CDH12: variants seen among roughly 807,000 people sequenced by gnomAD.
CDH12 encodes the protein cadherin 12, also known as cadherin-12.
In CDH12, 41 loss-of-function variants were observed where a neutral mutation model predicts 74.1. The observed-to-expected ratio is 0.55, with a 90% CI of 0.43 to 0.72. The LOEUF is 0.72. CDH12 is among the 30% of genes least tolerant of loss of function. The pLI, the probability that CDH12 is intolerant of heterozygous loss-of-function variation, is 0.00. For missense variants in CDH12, 945 were observed against 977.2 expected (o/e 0.97, Z 0.44); for synonymous variants, 399 against 355.0 (o/e 1.12, Z -1.39).
chr5:22,091,203 A>G (rs1019683147), intron 4 of CDH12, among the ~76,000 whole-genome samples: 24 of 148,048 alleles, frequency 1.6e-4, no homozygotes, highest in African/African-American at 5.2e-4. Flanking sequence ...GTGTGTATAT[A>G]TATATATATA....
chr5:22,724,155 T>A (rs985695673), intron 1 of CDH12, among the ~76,000 whole-genome samples: 1 of 151,920 alleles, frequency 6.6e-6, no homozygotes, highest in African/African-American at 2.4e-5. Flanking sequence ...TATCTATCAT[T>A]AACATACTAC....
intron 3 of CDH12, among the ~76,000 whole-genome samples, chr5:22,261,575 T>A (rs72742061): frequency 0.081 from 12,298 of 152,098 alleles, 572 homozygotes; most frequent in South Asian, 0.16. Flanking sequence ...AAGGTCACAG[T>A]CTGAAGTAAA....
chr5:22,031,220 G>A (rs1580140550), intron 5 of CDH12, among the ~76,000 whole-genome samples: 2 of 152,068 alleles, frequency 1.3e-5, no homozygotes, highest in African/African-American at 4.8e-5. Flanking sequence ...TGTAATATCA[G>A]CTACTTAGGA....
chr5:22,348,774 T>A (rs1740233085), intron 3 of CDH12, among the ~76,000 whole-genome samples: 1 of 152,210 alleles, frequency 6.6e-6, no homozygotes, highest in African/African-American at 2.4e-5. Context: ...GGATGGGATG[T>A]CCATAATGCT....
chr5:21,780,241 C>T lies in CDH12; in HGVS notation c.1393+3117G>A, dbSNP rs376041085. Among the ~76,000 whole-genome samples, 77 of 152,216 alleles carry T rather than the reference C, an allele frequency of 5.1e-4. 1 individual carries two copies. In the South Asian group the frequency reaches 0.015, roughly 30 times the overall value. ...TAGTGTGACAGAGCCCGCATATGCA[C>T]CAATCATATTAATAACTAACAAATT... On this transcript the variant is annotated intron_variant, in intron 11 of 14. Transcript: ENST00000382254.
intron 8 of CDH12, among the ~76,000 whole-genome samples, chr5:21,834,617 G>C (rs984981695): frequency 1.3e-5 from 2 of 151,888 alleles, no homozygotes; most frequent in Admixed American, 6.6e-5. Context: ...ACAAGCACCA[G>C]TACTACACTT....
intron 3 of CDH12, among the ~76,000 whole-genome samples, chr5:22,218,845 C>A (rs553757917): frequency 1.4e-3 from 208 of 151,708 alleles, no homozygotes; most frequent in African/African-American, 4.9e-3. Flanking sequence ...AATCTATATG[C>A]CTTTAATTCT....
At chr5:22,673,266 T>C (rs950078189) in intron 1 of CDH12, among the ~76,000 whole-genome samples, 8 of 152,188 alleles carry the variant, frequency 5.3e-5, no homozygotes, top group African/African-American at 1.4e-4. Flanking sequence ...GATTATATTG[T>C]TCCCAAATGC....
At chr5:22,713,882 C>G (rs1743428740) in intron 1 of CDH12, among the ~76,000 whole-genome samples, 1 of 152,144 alleles carries the variant, frequency 6.6e-6, no homozygotes, top group Admixed American at 6.5e-5. Context: ...AATGCTATTA[C>G]CAATGTATCA....
intron 1 of CDH12, among the ~76,000 whole-genome samples, chr5:22,778,378 A>T (rs996736091): frequency 6.6e-6 from 1 of 152,118 alleles, no homozygotes; most frequent in Non-Finnish European, 1.5e-5. Flanking sequence ...GAAAATCTAC[A>T]TTTGCTACAA....
At chr5:22,102,662 CAATAAATAAATA>C (rs59315895) in intron 4 of CDH12, among the ~76,000 whole-genome samples, 9 of 148,682 alleles carry the variant, frequency 6.1e-5, no homozygotes, top group South Asian at 4.3e-4. Flanking sequence ...ACTCCGTCTC[CAATAAATAAATA>C]AATAAATAAA....
intron 1 of CDH12, among the ~76,000 whole-genome samples, chr5:22,759,194 C>T (rs113376393): frequency 6.6e-6 from 1 of 150,812 alleles, no homozygotes; most frequent in African/African-American, 2.4e-5. Flanking sequence ...GCTACGCAGT[C>T]TCAGAAAAAA....
intron 4 of CDH12, among the ~76,000 whole-genome samples, chr5:22,080,920 T>C (rs1476138842): frequency 2.6e-5 from 4 of 151,828 alleles, no homozygotes; most frequent in African/African-American, 9.7e-5. Flanking sequence ...GCTGGGACTA[T>C]AGGTGCGTGC....
chr5:22,161,755 A>T (rs36131006), intron 4 of CDH12, among the ~76,000 whole-genome samples: 12,666 of 151,660 alleles, frequency 0.084, 604 homozygotes, highest in African/African-American at 0.14. Flanking sequence ...AGGGGGGAAA[A>T]GAAAAAAATC....
intron 3 of CDH12, among the ~76,000 whole-genome samples, chr5:22,223,357 C>G (rs1467000537): frequency 6.6e-6 from 1 of 151,752 alleles, no homozygotes; most frequent in African/African-American, 2.4e-5. Context: ...TAGAAGACAT[C>G]AAGAAAAAAC....
chr5:22,662,732 A>G (rs1055561694), intron 1 of CDH12, among the ~76,000 whole-genome samples: 1 of 152,198 alleles, frequency 6.6e-6, no homozygotes, highest in Non-Finnish European at 1.5e-5. Flanking sequence ...CTAAAGATGT[A>G]GTTCTGGCAC....
At chr5:21,954,831 A>G (rs189071258) in intron 6 of CDH12, among the ~76,000 whole-genome samples, 2 of 152,236 alleles carry the variant, frequency 1.3e-5, no homozygotes, top group African/African-American at 4.8e-5. Flanking sequence ...TTCTCTAGGT[A>G]CTATTTGATT....
At chr5:22,198,870 A>AT (rs1367589911) in intron 4 of CDH12, among the ~76,000 whole-genome samples, 2 of 134,274 alleles carry the variant, frequency 1.5e-5, no homozygotes, top group Non-Finnish European at 3.4e-5. Flanking sequence ...CAAACCCGAC[A>AT]TTTTTTATTT....
At chr5:22,409,566 T>C (rs1055557298) in intron 2 of CDH12, among the ~76,000 whole-genome samples, 6 of 152,220 alleles carry the variant, frequency 3.9e-5, no homozygotes, top group African/African-American at 1.4e-4. Context: ...TACTTTTCTC[T>C]TTCTTGTGAC....
Sources: gnomAD v4.1 joint callset for allele counts (sites outside exome capture counted in the v4.1 genomes callset) on GRCh38, gnomAD v4.1.1 for gene constraint, MANE v1.5 for transcripts, NCBI Gene and HGNC (gene_info 2026-07-23, HGNC 2026-07-21) for gene names.